Variants in AMPH observed in about 807,000 individuals in gnomAD.
AMPH encodes amphiphysin.
AMPH carries 49 observed loss-of-function variants against 99.1 expected under a neutral mutation model. The observed-to-expected ratio is 0.49, with a 90% CI of 0.39 to 0.63. The LOEUF (loss-of-function observed/expected upper bound fraction) is 0.63. Among genes scored for constraint, AMPH ranks in the 20% least tolerant of loss-of-function variants. The pLI is 0.00. For synonymous variants in AMPH, 314 were observed against 317.3 expected (o/e 0.99, Z 0.11); for missense variants, 759 against 863.4 (o/e 0.88, Z 1.52).
At position 38,465,835 on chromosome 7, in the gene AMPH, C is replaced by T. The variant is rs549175721; in HGVS notation, c.667-286G>A. Among the ~76,000 whole-genome samples, 6 of 152,150 alleles carry T rather than the reference C, an allele frequency of 3.9e-5. No homozygotes were observed. The South Asian group carries it at 1.2e-3, about 32-fold the overall frequency. ...TTTACATTGACTCCACCCTTTTGAA[C>T]AACAACAACAAAAAGCAATCAACAA... is the stretch of plus-strand genomic sequence containing the variant. On this transcript the variant is annotated intron_variant, in intron 8 of 20. Coordinates refer to ENST00000356264, the MANE Select transcript of AMPH (RefSeq NM_001635.4).
chr7:38,553,608 C>A (rs1189440907), intron 1 of AMPH, among the ~76,000 whole-genome samples: 1 of 152,236 alleles, frequency 6.6e-6, no homozygotes, highest in Non-Finnish European at 1.5e-5. Context: ...AATTGCAAAA[C>A]AAGCCTGCAC....
At chr7:38,478,898 TC>T (rs974157521) in intron 5 of AMPH, among the ~76,000 whole-genome samples, 16 of 152,004 alleles carry the variant, frequency 1.1e-4, no homozygotes, top group African/African-American at 3.9e-4. Flanking sequence ...TGAAGACAGG[TC>T]ACAATAAATT....
chr7:38,550,799 T>A (rs781630363), intron 1 of AMPH, among the ~76,000 whole-genome samples: 2 of 152,224 alleles, frequency 1.3e-5, no homozygotes, highest in Admixed American at 6.5e-5. Context: ...CGGTTGTTTG[T>A]AGTTTAATTT....
intron 5 of AMPH, among the ~76,000 whole-genome samples, chr7:38,486,401 T>A (rs948629525): frequency 2.0e-4 from 30 of 151,672 alleles, no homozygotes; most frequent in African/African-American, 6.5e-4. Context: ...AATGGAAGGT[T>A]TGAACACATC....
intron 1 of AMPH, among the ~76,000 whole-genome samples, chr7:38,548,209 T>G (rs147560418): frequency 0.14 from 21,085 of 151,744 alleles, 2,490 homozygotes; most frequent in East Asian, 0.37. Context: ...TTTTGTATTT[T>G]TAGTAGAGAT....
At position 38,491,131 on chromosome 7, in the gene AMPH, C is replaced by T. The variant is rs758912952; in HGVS notation, c.315G>A (p.Leu105=). 6.2e-7 allele frequency: 1 copy of T among 1,611,584 alleles called. No homozygotes were observed. ...VKMVGEKCDV[L]WEDFHQKLVD... Reference sequence around the variant, plus strand: ...CGAGTTTTTGATGGAAGTCTTCCCACAGCACATCACATTTCTAAAAGAAAT... The same window carrying T: ...CGAGTTTTTGATGGAAGTCTTCCCATAGCACATCACATTTCTAAAAGAAAT... Residue 105 remains leucine, a synonymous_variant, in exon 5 of 21, where the codon CTG becomes CTA. Coordinates refer to ENST00000356264, the MANE Select transcript of AMPH (RefSeq NM_001635.4).
chr7:38,457,588 G>A lies in AMPH; in HGVS notation c.1017+3695C>T, dbSNP rs138223255. On this transcript the variant is annotated intron_variant, in intron 11 of 20. Coordinates refer to ENST00000356264, the MANE Select transcript of AMPH (RefSeq NM_001635.4). ...ATGCAATGAAATATTTGAATTATTC[G>A]TGTCCTTGAGGGCCAAGAGAGAACA... 9.6e-4 allele frequency among the ~76,000 whole-genome samples: 146 copies of A among 152,306 alleles called. 2 individuals carry two copies. The highest frequency in any genetic ancestry group is 4.2e-3 in the Admixed American group (64 of 15,294).
chr7:38,542,679 A>G (rs576935937), intron 1 of AMPH, among the ~76,000 whole-genome samples: 3 of 152,312 alleles, frequency 2.0e-5, no homozygotes, highest in Admixed American at 2.0e-4. Context: ...TGAGTTAGCA[A>G]TGTAAAAACT....
chr7:38,575,894 GGC>G (rs1410985132), intron 1 of AMPH, among the ~76,000 whole-genome samples: 72 of 152,160 alleles, frequency 4.7e-4, no homozygotes, highest in African/African-American at 1.6e-3. Context: ...GCAGAGAAGT[GGC>G]TGCCCTGCCT....
At chr7:38,409,052 A>G (rs1050206461) in intron 17 of AMPH, among the ~76,000 whole-genome samples, 1 of 152,230 alleles carries the variant, frequency 6.6e-6, no homozygotes, top group Non-Finnish European at 1.5e-5. Flanking sequence ...AGGAACTATT[A>G]TAAAGTAGAA....
intron 1 of AMPH, among the ~76,000 whole-genome samples, chr7:38,561,760 A>T (rs1791557748): frequency 6.6e-6 from 1 of 152,130 alleles, no homozygotes; most frequent in African/African-American, 2.4e-5. Context: ...CTTGGGATGA[A>T]GCCCCCATAA....
chr7:38,408,750 CA>C (rs66957354), intron 17 of AMPH, among the ~76,000 whole-genome samples: 1,337 of 100,636 alleles, frequency 0.013, 7 homozygotes, highest in African/African-American at 0.022. Context: ...GACTCCATCA[CA>C]AAAAAAAAAA....
rs532885735 is a variant in AMPH at position 38,408,543 on chromosome 7, C to T, written c.1398+9282G>A. On this transcript the variant is annotated intron_variant, in intron 17 of 20. Transcript: ENST00000356264. ...TTGGGAGGCCGAGGTGGGTGGATCACGAGGTCAGGAGATTGAGACCATCCT... is the reference window on the plus strand; with the variant it reads ...TTGGGAGGCCGAGGTGGGTGGATCATGAGGTCAGGAGATTGAGACCATCCT... Among the ~76,000 whole-genome samples the T allele has an allele frequency of 4.3e-4, 66 of 152,078 alleles. 1 individual carries two copies. In the South Asian group the frequency reaches 0.013, roughly 29 times the overall value.
At chr7:38,489,955 C>T (rs1002860428) in intron 5 of AMPH, among the ~76,000 whole-genome samples, 4 of 151,738 alleles carry the variant, frequency 2.6e-5, no homozygotes, top group Non-Finnish European at 5.9e-5. Flanking sequence ...ATGTTCTTAC[C>T]GCAATAAAGT....
intron 1 of AMPH, among the ~76,000 whole-genome samples, chr7:38,580,802 A>G (rs1792424719): frequency 6.6e-6 from 1 of 152,170 alleles, no homozygotes; most frequent in Non-Finnish European, 1.5e-5. Flanking sequence ...ATTTATGCCC[A>G]AAGCACCTAA....
chr7:38,539,391 T>C (rs1790727901), intron 1 of AMPH, among the ~76,000 whole-genome samples: 1 of 149,376 alleles, frequency 6.7e-6, no homozygotes, highest in South Asian at 2.2e-4. Flanking sequence ...AAAGGAGCAA[T>C]ACTTGACCCT....
chr7:38,463,796 C>A (rs973595628), intron 9 of AMPH, among the ~76,000 whole-genome samples: 1 of 152,198 alleles, frequency 6.6e-6, no homozygotes. Flanking sequence ...TCCTGGCATG[C>A]GGCCAGACGC....
At chr7:38,503,495 C>CGGGG (rs3832480) in intron 3 of AMPH, among the ~76,000 whole-genome samples, 155 bp downstream of exon 3, 31 of 86,152 alleles carry the variant, frequency 3.6e-4, no homozygotes, top group Admixed American at 5.9e-4. Flanking sequence ...GAATTTGGGG[C>CGGGG]GGGGGGGTGG....
chr7:38,435,862 C>A (rs1302309478), intron 12 of AMPH, among the ~76,000 whole-genome samples: 1 of 152,148 alleles, frequency 6.6e-6, no homozygotes, highest in Non-Finnish European at 1.5e-5. Context: ...ATGGTCATTG[C>A]AAACACACTT....
Sources: allele counts gnomAD v4.1 joint callset (sites outside exome capture counted in the v4.1 genomes callset), GRCh38; gene constraint gnomAD v4.1.1; transcripts MANE v1.5; gene names NCBI Gene and HGNC (gene_info 2026-07-23, HGNC 2026-07-21).